The following AADACL2 variants were observed in gnomAD, a reference collection of about 807,000 sequenced individuals.
The protein encoded by AADACL2 is arylacetamide deacetylase-like 2.
A neutral mutation model predicts 22.3 loss-of-function variants in AADACL2; 23 were observed. The observed-to-expected ratio is 1.03, with a 90% CI of 0.74 to 1.46. The LOEUF (loss-of-function observed/expected upper bound fraction) is 1.46, where lower values mean the gene tolerates loss of function less well. Ranked by LOEUF, AADACL2 falls within the 40% of genes most tolerant of loss-of-function variation. The probability of loss-of-function intolerance (pLI) is 0.00; values close to 1 mark genes in which losing one functional copy is unlikely to be tolerated. For synonymous variants in AADACL2, 177 were observed against 166.2 expected, an observed-to-expected ratio of 1.07 and a Z score of -0.50; for missense variants, 472 against 482.9, an observed-to-expected ratio of 0.98 and a Z score of 0.21.
intron 2 of AADACL2, among the ~76,000 whole-genome samples, chr3:151,743,727 C>T (rs1231099636): frequency 1.3e-5 from 2 of 152,244 alleles, no homozygotes; most frequent in Non-Finnish European, 2.9e-5. Flanking sequence ...AAATGCAAGT[C>T]AAACCATTAC....
intron 4 of AADACL2, among the ~76,000 whole-genome samples, chr3:151,751,261 A>G (rs1489463984): frequency 6.6e-6 from 1 of 152,198 alleles, no homozygotes; most frequent in Non-Finnish European, 1.5e-5. Flanking sequence ...CTGGTCTAAA[A>G]TTTCATCTGA....
rs754697146 is a variant in AADACL2 at position 151,740,884 on chromosome 3, A to G, written c.361+16A>G. ...GGAAGTTCCAGTAAGTTCATTGTAT[A>G]AGGAAAAAGTGTAGCTAGCTCTACA... On this transcript the variant is annotated intron_variant, in intron 2 of 4. Coordinates refer to ENST00000356517, the MANE Select transcript of AADACL2 (RefSeq NM_207365.4). 2 of 1,609,568 alleles carry G rather than the reference A, an allele frequency of 1.2e-6. No homozygotes were observed. Among genetic ancestry groups the G allele is most frequent in the East Asian group, 2.2e-5 (1 of 44,790 alleles).
chr3:151,754,374 C>T (rs1049412555), intron 4 of AADACL2, among the ~76,000 whole-genome samples: 7 of 152,050 alleles, frequency 4.6e-5, no homozygotes, highest in African/African-American at 1.7e-4. Flanking sequence ...GACAATAATA[C>T]CAGTGGCATG....
chr3:151,747,304 T>C (rs776860239), intron 4 of AADACL2, among the ~76,000 whole-genome samples: 3 of 152,112 alleles, frequency 2.0e-5, no homozygotes, highest in Non-Finnish European at 4.4e-5. Flanking sequence ...TTATTAACTA[T>C]AGTCACCGCA....
At chr3:151,741,998 A>G (rs948331807) in intron 2 of AADACL2, among the ~76,000 whole-genome samples, 2 of 152,142 alleles carry the variant, frequency 1.3e-5, no homozygotes, top group Admixed American at 1.3e-4. Context: ...ATATTTACAC[A>G]TTATTTGTTT....
rs1255028879 is a variant in AADACL2, at chr3:151,758,354, CAT to C, written c.*761_*762del. On this transcript the variant is annotated 3_prime_UTR_variant, in exon 5 of 5. Transcript: ENST00000356517. ...CCTATGGGCTTCTCTTAGAAAAACA[CAT>C]GTGTTTACATTTAGGAGGGTCCACC... 1 of 150,830 alleles carries C rather than the reference CAT, an allele frequency of 6.6e-6. No individual in the cohort carries two copies. Among genetic ancestry groups the C allele is most frequent in the Non-Finnish European group, 1.5e-5 (1 of 68,010 alleles). 9.3% of individuals were successfully genotyped at this position (150,830 alleles called of 1,614,324 possible). A position where few individuals can be genotyped will look rare whatever the true frequency, so the allele number is the denominator to read the frequency against.
intron 1 of AADACL2, among the ~76,000 whole-genome samples, chr3:151,737,714 A>G (rs929072686): frequency 6.6e-6 from 1 of 152,116 alleles, no homozygotes; most frequent in African/African-American, 2.4e-5. Context: ...ACCATTGTGT[A>G]ATGTCCTTCT....
At chr3:151,740,966 CTA>C (rs371325191) in intron 2 of AADACL2, 98 bp downstream of exon 2, 1 of 931,204 alleles carries the variant, frequency 1.1e-6, no homozygotes, top group Non-Finnish European at 1.6e-6. Flanking sequence ...ATACATACAT[CTA>C]TATATATACT....
chr3:151,748,903 T>C (rs939258263), intron 4 of AADACL2, among the ~76,000 whole-genome samples: 1 of 152,248 alleles, frequency 6.6e-6, no homozygotes, highest in African/African-American at 2.4e-5. Context: ...CATTGGTCTA[T>C]ATGTTTGTTT....
intron 4 of AADACL2, among the ~76,000 whole-genome samples, chr3:151,746,726 G>A (rs1713458931): frequency 6.6e-6 from 1 of 152,030 alleles, no homozygotes; most frequent in Non-Finnish European, 1.5e-5. Context: ...TATTATTTTA[G>A]TGTGGTAAAT....
chr3:151,759,308 AT>A lies in AADACL2; in HGVS notation c.*1716del, dbSNP rs2107994320. 1 of 152,276 alleles carries A rather than the reference AT, an allele frequency of 6.6e-6. No individual in the cohort carries two copies. Among genetic ancestry groups the A allele is most frequent in the African/African-American group, 2.4e-5 (1 of 41,556 alleles). The allele number at this position is 152,276 out of a possible 1,614,324, so 9.4% of individuals were successfully genotyped here. ...TTTAATATACTGGCTACCCGTTCTA[AT>A]TAGGAAAACAAGTCCTAGAAATCTC... On this transcript the variant is annotated 3_prime_UTR_variant, in exon 5 of 5. Transcript: ENST00000356517.
Position 151,734,169 on chromosome 3 carries a change from T to C in AADACL2, c.134T>C (p.Phe45Ser), listed in dbSNP as rs1308069948. 2 of 1,612,746 alleles carry C rather than the reference T, an allele frequency of 1.2e-6. No individual in the cohort carries two copies. Among genetic ancestry groups the C allele is most frequent in the Non-Finnish European group, 1.7e-6 (2 of 1,179,368 alleles). ...ALDAIAKTCTFTAMCFENMRI... is the reference protein window; with the variant it reads ...ALDAIAKTCTSTAMCFENMRI... ...GATGCCATCGCTAAAACTTGTACAT[T>C]TACGGTAAGGTTAACATTTATTTTT... The change falls in exon 1 of 5, where the codon TTT becomes TCT. Residue 45 changes from phenylalanine (F) to serine (S), a missense_variant. This residue lies in a region of AADACL2 where 356 missense variants were observed against 365.5 expected (regional missense o/e 0.97). Coordinates refer to ENST00000356517, the MANE Select transcript of AADACL2 (RefSeq NM_207365.4).
At chr3:151,755,848 TGA>T (rs1425228561) in intron 4 of AADACL2, among the ~76,000 whole-genome samples, 14 of 152,136 alleles carry the variant, frequency 9.2e-5, no homozygotes, top group Admixed American at 2.6e-4. Flanking sequence ...GGTGGGCTAT[TGA>T]TAGCAATCTT....
At chr3:151,745,454 T>G in intron 3 of AADACL2, 55 bp from the exon 4 acceptor site, 17 of 1,543,544 alleles carry the variant, frequency 1.1e-5, no homozygotes, top group Non-Finnish European at 1.4e-5. Context: ...ATTTGGTATT[T>G]GAGAATTAGA....
At chr3:151,742,277 T>C (rs1713303323) in intron 2 of AADACL2, among the ~76,000 whole-genome samples, 1 of 70,652 alleles carries the variant, frequency 1.4e-5, no homozygotes, top group South Asian at 4.0e-4. Flanking sequence ...ATCTTTTTGT[T>C]TTTCAACATT....
At chr3:151,735,144 C>T (rs1713046889) in intron 1 of AADACL2, among the ~76,000 whole-genome samples, 1 of 152,186 alleles carries the variant, frequency 6.6e-6, no homozygotes, top group Non-Finnish European at 1.5e-5. Context: ...CTTACCTTCT[C>T]CATAAATTTT....
intron 1 of AADACL2, among the ~76,000 whole-genome samples, chr3:151,734,691 A>T (rs999150176): frequency 5.3e-5 from 8 of 152,162 alleles, no homozygotes; most frequent in African/African-American, 1.9e-4. Context: ...TTCATGCAAA[A>T]ATAGCTCCTT....
chr3:151,734,557 T>C (rs931265193), intron 1 of AADACL2, among the ~76,000 whole-genome samples: 13 of 152,172 alleles, frequency 8.5e-5, no homozygotes, highest in African/African-American at 2.9e-4. Flanking sequence ...ATTATTGATA[T>C]TTGTAACTCT....
intron 4 of AADACL2, among the ~76,000 whole-genome samples, chr3:151,752,309 T>G (rs1346099863): frequency 6.6e-6 from 1 of 152,196 alleles, no homozygotes; most frequent in African/African-American, 2.4e-5. Context: ...ACTCATCTGT[T>G]TCAATTCACA....
Sources: gnomAD v4.1 joint callset for allele counts (sites outside exome capture counted in the v4.1 genomes callset) on GRCh38, gnomAD v4.1.1 for gene constraint, gnomAD v4.1.1 regional missense constraint, MANE v1.5 for transcripts, NCBI Gene and HGNC (gene_info 2026-07-23, HGNC 2026-07-21) for gene names.